Variants in VRK2 observed in about 807,000 individuals in gnomAD.
VRK2 encodes the protein serine/threonine-protein kinase VRK2.
Under a neutral mutation model 57.6 loss-of-function variants are expected in VRK2, and 60 were observed. The observed-to-expected ratio is 1.04, with a 90% confidence interval of 0.85 to 1.29. The LOEUF is 1.29. Among genes scored for constraint, VRK2 ranks in the 50% most tolerant of loss-of-function variants. The pLI is 0.00. For missense variants in VRK2, 705 were observed against 588.1 expected (o/e 1.20, Z -2.06); for synonymous variants, 231 against 199.2 (o/e 1.16, Z -1.35).
At chr2:58,090,097 T>C (rs1672158696) in intron 7 of VRK2, among the ~76,000 whole-genome samples, 1 of 150,270 alleles carries the variant, frequency 6.7e-6, no homozygotes, top group Non-Finnish European at 1.5e-5. Context: ...TATAACCAAT[T>C]AAGTTTTAAG....
intron 7 of VRK2, 126 bp from the exon 8 acceptor site, chr2:58,122,975 C>A (rs2104490280): frequency 8.3e-7 from 1 of 1,200,138 alleles, no homozygotes; most frequent in East Asian, 2.9e-5. Flanking sequence ...TCCTAAGGCA[C>A]CATTTGGTTT....
chr2:58,062,610 G>C (rs951247712), intron 2 of VRK2, among the ~76,000 whole-genome samples: 3 of 152,030 alleles, frequency 2.0e-5, no homozygotes, highest in African/African-American at 7.2e-5. Flanking sequence ...CAGTGGTCTG[G>C]ATAGAAGATC....
intron 1 of VRK2, among the ~76,000 whole-genome samples, chr2:57,962,419 G>GT (rs945726162): frequency 6.6e-6 from 1 of 150,460 alleles, no homozygotes; most frequent in Non-Finnish European, 1.5e-5. Context: ...CTTTTTTTTT[G>GT]TTTTTTAACT....
chr2:57,998,496 CAG>C (rs1672993127), intron 1 of VRK2, among the ~76,000 whole-genome samples: 1 of 152,046 alleles, frequency 6.6e-6, no homozygotes, highest in Non-Finnish European at 1.5e-5. Context: ...CCCATGATGA[CAG>C]GGAAACAATG....
intron 1 of VRK2, among the ~76,000 whole-genome samples, chr2:57,925,513 T>A (rs184842460): frequency 6.6e-6 from 1 of 152,204 alleles, no homozygotes; most frequent in East Asian, 1.9e-4. Context: ...CTTCTAATGA[T>A]CCTGCAAATT....
At chr2:58,111,507 T>C (rs1304735518) in intron 7 of VRK2, among the ~76,000 whole-genome samples, 1 of 152,120 alleles carries the variant, frequency 6.6e-6, no homozygotes, top group Admixed American at 6.5e-5. Context: ...AACCCACCAT[T>C]TTGGGAAGCT....
intron 2 of VRK2, among the ~76,000 whole-genome samples, chr2:58,054,132 G>A (rs1272881279): frequency 6.6e-6 from 1 of 152,062 alleles, no homozygotes; most frequent in East Asian, 1.9e-4. Flanking sequence ...AGAAATCTGG[G>A]TGTTTAAGAA....
At chr2:57,935,189 A>T (rs1337854499) in intron 1 of VRK2, among the ~76,000 whole-genome samples, 1 of 152,168 alleles carries the variant, frequency 6.6e-6, no homozygotes, top group Non-Finnish European at 1.5e-5. Context: ...TGAGGAAACA[A>T]CCACCTTCTT....
At chr2:58,083,594 A>T (rs1347435092) in intron 2 of VRK2, among the ~76,000 whole-genome samples, 1 of 151,808 alleles carries the variant, frequency 6.6e-6, no homozygotes, top group Non-Finnish European at 1.5e-5. Flanking sequence ...TTGTTCTAGA[A>T]TTTTGTCAAG....
intron 3 of VRK2, chr2:58,041,058 A>G (rs529055250): frequency 1.0e-6 from 1 of 985,260 alleles, no homozygotes; most frequent in South Asian, 4.7e-5. Flanking sequence ...TGGTTACTGC[A>G]GGGATGTTAA....
At chr2:58,145,621 TTTTTA>T (rs548183294) in intron 11 of VRK2, among the ~76,000 whole-genome samples, 111 of 152,124 alleles carry the variant, frequency 7.3e-4, no homozygotes, top group African/African-American at 2.5e-3. Context: ...CTAATTTTAT[TTTTTA>T]TTTTATTTTT....
chr2:57,959,217 T>C (rs941899634), intron 1 of VRK2, among the ~76,000 whole-genome samples: 3 of 152,164 alleles, frequency 2.0e-5, no homozygotes, highest in African/African-American at 4.8e-5. Flanking sequence ...GGATCTTAAA[T>C]AGCACAAGGC....
chr2:58,012,693 T>C (rs1214748446), intron 1 of VRK2, among the ~76,000 whole-genome samples: 1 of 152,210 alleles, frequency 6.6e-6, no homozygotes, highest in African/African-American at 2.4e-5. Flanking sequence ...AGGGGGCTCA[T>C]TATAAATAAC....
At chr2:57,926,329 G>T (rs1273985791) in intron 1 of VRK2, among the ~76,000 whole-genome samples, 1 of 151,518 alleles carries the variant, frequency 6.6e-6, no homozygotes, top group Admixed American at 6.6e-5. Context: ...GGGTATTGAA[G>T]TCTCCAGCTA....
chr2:58,154,244 T>C (rs1004522645), intron 12 of VRK2, among the ~76,000 whole-genome samples: 5 of 151,536 alleles, frequency 3.3e-5, no homozygotes, highest in African/African-American at 1.2e-4. Flanking sequence ...AGCTTTTGAT[T>C]GATCATTCTG....
At chr2:57,967,163 G>A (rs1411373213) in intron 1 of VRK2, among the ~76,000 whole-genome samples, 1 of 152,124 alleles carries the variant, frequency 6.6e-6, no homozygotes, top group Non-Finnish European at 1.5e-5. Flanking sequence ...TCCTAAGCGG[G>A]AGTTAAACAA....
At chr2:58,018,887 G>A (rs963820314) in intron 1 of VRK2, among the ~76,000 whole-genome samples, 4 of 151,912 alleles carry the variant, frequency 2.6e-5, no homozygotes, top group African/African-American at 7.3e-5. Flanking sequence ...AGCACTTCCC[G>A]GTTTACACCC....
intron 1 of VRK2, among the ~76,000 whole-genome samples, chr2:57,986,596 ATTTTTTT>A (rs11452161): frequency 8.0e-6 from 1 of 124,542 alleles, no homozygotes; most frequent in Non-Finnish European, 1.7e-5. Context: ...AGTTCAATCG[ATTTTTTT>A]TTTTTTTTTT....
At chr2:57,992,737 C>A (rs1482917662) in intron 1 of VRK2, among the ~76,000 whole-genome samples, 1 of 152,064 alleles carries the variant, frequency 6.6e-6, no homozygotes, top group Non-Finnish European at 1.5e-5. Context: ...GGGGTTTCAC[C>A]TTGTTAGCCA....
Sources: gnomAD v4.1 joint callset for allele counts (sites outside exome capture counted in the v4.1 genomes callset) on GRCh38, gnomAD v4.1.1 for gene constraint, MANE v1.5 for transcripts, NCBI Gene and HGNC (gene_info 2026-07-23, HGNC 2026-07-21) for gene names.